CUEDC1: variants seen among roughly 807,000 people sequenced by gnomAD.
CUEDC1 encodes the protein CUE domain containing 1.
Under a neutral mutation model 43.7 loss-of-function variants are expected in CUEDC1, and 30 were observed. The ratio of observed to expected loss-of-function variants is 0.69; its 90% CI spans 0.51 to 0.93. The LOEUF is 0.93. Ranked by LOEUF, CUEDC1 falls within the 40% of genes least tolerant of loss-of-function variation. CUEDC1 has a pLI of 0.00. For missense variants in CUEDC1, 486 were observed against 549.0 expected (o/e 0.89, Z 1.15); for synonymous variants, 223 against 223.6 (o/e 1.00, Z 0.02).
In CUEDC1 at chr17:57,955,189, G is replaced by A. The variant is rs1023788996; in HGVS notation, c.-316+36C>T. ...GGGCGCCGGCGAGGACCGCGCCCGG[G>A]GCCGGGCGGGAGCCGCGGGAGCGCG... On this transcript the variant is annotated intron_variant, in intron 1 of 10. Transcript: ENST00000577830. This position sits in a 1 kb window ranked among gnomAD's most constrained non-coding sequence, Gnocchi z 5.3. 4.1e-5 allele frequency: 6 copies of A among 145,580 alleles called. No homozygotes were observed. In the East Asian group the frequency reaches 1.2e-3, roughly 30 times the overall value. The allele number at this position is 145,580 out of a possible 1,614,324, so 9.0% of individuals were successfully genotyped here.
At chr17:57,875,166 C>T (rs538144513) in intron 3 of CUEDC1, among the ~76,000 whole-genome samples, 1 of 152,138 alleles carries the variant, frequency 6.6e-6, no homozygotes, top group East Asian at 1.9e-4. Context: ...CTAAGGGACT[C>T]GCAGACCACC....
chr17:57,863,668 G>A (rs888032527), intron 10 of CUEDC1, among the ~76,000 whole-genome samples: 1 of 152,122 alleles, frequency 6.6e-6, no homozygotes, highest in Non-Finnish European at 1.5e-5. Flanking sequence ...GGCAGAACTT[G>A]GTAGGACTCA....
intron 2 of CUEDC1, among the ~76,000 whole-genome samples, chr17:57,881,424 G>A (rs1364564008): frequency 6.6e-6 from 1 of 152,260 alleles, no homozygotes; most frequent in Non-Finnish European, 1.5e-5. Context: ...TGTAAGCGCT[G>A]CTCCTGTTCC....
At chr17:57,938,726 T>C (rs1442734375) in intron 1 of CUEDC1, among the ~76,000 whole-genome samples, 2 of 151,980 alleles carry the variant, frequency 1.3e-5, no homozygotes, top group Admixed American at 1.3e-4. Flanking sequence ...GCAGTGGCGC[T>C]ATCTCAGCTC....
rs375270781 is a variant in CUEDC1, at chr17:57,896,487, G to GGGGGGGGGTGTGT, written c.-315-10609_-315-10608insACACACCCCCCCC. Reference sequence around the variant, plus strand: ...GTCACTCTACTATAGTGCATTATGGGGTGTGTGTGTGTGTGTGTGTGTGTG... The same window carrying GGGGGGGGGTGTGT: ...GTCACTCTACTATAGTGCATTATGGGGGGGGGGGTGTGTGTGTGTGTGTGTGTGTGTGTGTGTG... On this transcript the variant is annotated intron_variant, in intron 1 of 10. Coordinates refer to ENST00000577830, the MANE Select transcript of CUEDC1 (RefSeq NM_001271875.2). Among the ~76,000 whole-genome samples, 492 of 130,308 alleles carry GGGGGGGGGTGTGT rather than the reference G, an allele frequency of 3.8e-3. 6 individuals are homozygous for GGGGGGGGGTGTGT. The highest frequency in any genetic ancestry group is 6.5e-3 in the Non-Finnish European group (408 of 62,712). The allele number at this position is 130,308 out of a possible 152,430, so 85.5% of individuals were successfully genotyped here.
At chr17:57,929,296 T>C (rs561690871) in intron 1 of CUEDC1, among the ~76,000 whole-genome samples, 4 of 152,216 alleles carry the variant, frequency 2.6e-5, no homozygotes, top group South Asian at 2.1e-4. Context: ...GATGACAAAA[T>C]TAAGCCCCAG....
intron 1 of CUEDC1, among the ~76,000 whole-genome samples, chr17:57,932,722 C>T (rs752529204): frequency 2.0e-5 from 3 of 150,890 alleles, no homozygotes; most frequent in Non-Finnish European, 4.4e-5. Context: ...ATTAGCTGCG[C>T]GTGGTGGCAG....
At chr17:57,909,829 G>T (rs2074564986) in intron 1 of CUEDC1, among the ~76,000 whole-genome samples, 1 of 152,248 alleles carries the variant, frequency 6.6e-6, no homozygotes, top group Admixed American at 6.5e-5. Context: ...CAATGGGGAG[G>T]AGTCAGAGAA....
intron 5 of CUEDC1, 67 bp downstream of exon 5, chr17:57,872,596 C>T: frequency 6.4e-7 from 1 of 1,574,098 alleles, no homozygotes; most frequent in Non-Finnish European, 8.7e-7. Flanking sequence ...TTTCCTGAGC[C>T]CCAAGGCTAA....
chr17:57,946,522 G>A (rs746317841), intron 1 of CUEDC1, among the ~76,000 whole-genome samples: 3 of 151,814 alleles, frequency 2.0e-5, no homozygotes, highest in South Asian at 2.1e-4. Context: ...CTGCAAGTTC[G>A]CAACTATCAG....
At position 57,930,256 on chromosome 17, in the gene CUEDC1, T is replaced by A. The variant is rs1384474091; in HGVS notation, c.-316+24969A>T. Among the ~76,000 whole-genome samples, 1 of 152,162 alleles carries A rather than the reference T, an allele frequency of 6.6e-6. No homozygotes were observed. The highest frequency in any genetic ancestry group is 1.5e-5 in the Non-Finnish European group (1 of 68,022). On this transcript the variant is annotated intron_variant, in intron 1 of 10. Transcript: ENST00000577830. This position sits in a 1 kb window ranked among gnomAD's most constrained non-coding sequence, Gnocchi z 4.2. Reference sequence around the variant, plus strand: ...GGGACCTGACTTTGGGTAGCAAGTCTCCAACTGCACAAGCAGACCAGAGCC... The same window carrying A: ...GGGACCTGACTTTGGGTAGCAAGTCACCAACTGCACAAGCAGACCAGAGCC...
intron 1 of CUEDC1, among the ~76,000 whole-genome samples, chr17:57,907,541 A>G (rs552713843): frequency 2.8e-4 from 42 of 152,108 alleles, no homozygotes; most frequent in Non-Finnish European, 5.1e-4. Context: ...ACCCCCACAA[A>G]TCTTGTTCAA....
intron 1 of CUEDC1, among the ~76,000 whole-genome samples, chr17:57,948,528 G>A (rs1174588550): frequency 6.6e-6 from 1 of 152,122 alleles, no homozygotes; most frequent in East Asian, 1.9e-4. Context: ...GTCAAAGGAG[G>A]GGTTAGGCCA....
intron 1 of CUEDC1, among the ~76,000 whole-genome samples, chr17:57,938,751 C>T (rs1214644331): frequency 6.6e-6 from 1 of 152,052 alleles, no homozygotes; most frequent in Non-Finnish European, 1.5e-5. Context: ...CAACCTCTGC[C>T]TCCCGGGTTC....
intron 1 of CUEDC1, among the ~76,000 whole-genome samples, chr17:57,906,410 A>T (rs1346661613): frequency 6.6e-6 from 1 of 152,216 alleles, no homozygotes; most frequent in African/African-American, 2.4e-5. Flanking sequence ...GAACAGGTAA[A>T]CTCATAGAGA....
chr17:57,940,800 A>G (rs1046615117), intron 1 of CUEDC1, among the ~76,000 whole-genome samples: 1 of 152,236 alleles, frequency 6.6e-6, no homozygotes, highest in Non-Finnish European at 1.5e-5. Context: ...TTTTAAAAAA[A>G]TACAATAACT....
intron 1 of CUEDC1, among the ~76,000 whole-genome samples, chr17:57,900,374 C>A (rs1277601123): frequency 6.6e-6 from 1 of 152,214 alleles, no homozygotes; most frequent in African/African-American, 2.4e-5. Context: ...TCTGCAGAAA[C>A]AGCCTGCTGC....
intron 1 of CUEDC1, among the ~76,000 whole-genome samples, chr17:57,929,882 A>C (rs1192912537): frequency 2.0e-5 from 3 of 151,886 alleles, no homozygotes; most frequent in African/African-American, 7.3e-5. Context: ...GCTCACTGCA[A>C]CCTCCGCCTC....
In CUEDC1 at chr17:57,876,458, G is replaced by A. The variant is rs762013854; in HGVS notation, c.465-2741C>T. 1.4e-4 allele frequency among the ~76,000 whole-genome samples: 22 copies of A among 152,190 alleles called. No homozygotes were observed. The South Asian group carries it at 2.3e-3, about 16-fold the overall frequency. ...CAGCCTTCCCTGCCCCCGTGTCTTC[G>A]GCTTCCCTAGACCCTGATCTCCTTG... On this transcript the variant is annotated intron_variant, in intron 3 of 10. Coordinates refer to ENST00000577830, the MANE Select transcript of CUEDC1 (RefSeq NM_001271875.2).
Sources: allele counts gnomAD v4.1 joint callset (sites outside exome capture counted in the v4.1 genomes callset), GRCh38; gene constraint gnomAD v4.1.1; non-coding constraint Gnocchi (gnomAD v3.1); transcripts MANE v1.5; gene names NCBI Gene and HGNC (gene_info 2026-07-23, HGNC 2026-07-21).